Variants in NKAIN2 observed in about 807,000 individuals in gnomAD.
The protein encoded by NKAIN2 is sodium/potassium-transporting ATPase subunit beta-1-interacting protein 2.
Under a neutral mutation model 32.6 loss-of-function variants are expected in NKAIN2, and 14 were observed. The ratio of observed to expected loss-of-function variants is 0.43; its 90% confidence interval spans 0.28 to 0.67. NKAIN2 has a LOEUF of 0.67. Among genes scored for constraint, NKAIN2 ranks in the 30% least tolerant of loss-of-function variants. The pLI is 0.17. For synonymous variants in NKAIN2, 80 were observed against 87.2 expected (o/e 0.92, Z 0.46); for missense variants, 198 against 258.3 (o/e 0.77, Z 1.60).
chr6:123,855,274 A>G (rs777145802), intron 1 of NKAIN2, among the ~76,000 whole-genome samples: 24 of 152,202 alleles, frequency 1.6e-4, no homozygotes, highest in Non-Finnish European at 2.9e-4. Flanking sequence ...TTCTGTTGCA[A>G]TACATATGAC....
chr6:123,894,406 TGATAGA>T (rs1185140947), intron 1 of NKAIN2, among the ~76,000 whole-genome samples: 2 of 152,140 alleles, frequency 1.3e-5, no homozygotes, highest in Admixed American at 6.5e-5. Flanking sequence ...ACCATTATGT[TGATAGA>T]GAAACAGAGG....
chr6:124,784,854 T>C (rs1365065807), intron 4 of NKAIN2, among the ~76,000 whole-genome samples: 26 of 152,154 alleles, frequency 1.7e-4, no homozygotes, highest in Admixed American at 1.7e-3. Context: ...TCCCTGTTTC[T>C]GCTTTCAAGA....
At chr6:124,447,252 T>C (rs1265488058) in intron 3 of NKAIN2, among the ~76,000 whole-genome samples, 1 of 152,096 alleles carries the variant, frequency 6.6e-6, no homozygotes, top group African/African-American at 2.4e-5. Context: ...CTAGCATATA[T>C]ATCCTGCCCA....
chr6:124,041,733 C>A (rs1781882375), intron 1 of NKAIN2, among the ~76,000 whole-genome samples: 1 of 151,928 alleles, frequency 6.6e-6, no homozygotes. Context: ...GGGAAAAAAA[C>A]AGTTTATGAA....
At chr6:123,996,372 A>G (rs1779621386) in intron 1 of NKAIN2, among the ~76,000 whole-genome samples, 1 of 51,694 alleles carries the variant, frequency 1.9e-5, no homozygotes, top group Non-Finnish European at 3.6e-5. Flanking sequence ...AAATACTATA[A>G]ATAATATGTG....
intron 1 of NKAIN2, among the ~76,000 whole-genome samples, chr6:123,848,690 C>T (rs1056887641): frequency 3.3e-5 from 5 of 152,186 alleles, no homozygotes; most frequent in African/African-American, 1.2e-4. Context: ...TACACTGCCA[C>T]AGTCTGTTTA....
chr6:124,106,002 T>G (rs959642824), intron 1 of NKAIN2, among the ~76,000 whole-genome samples: 3 of 152,184 alleles, frequency 2.0e-5, no homozygotes, highest in African/African-American at 7.2e-5. Context: ...TTTCCCAGGA[T>G]CCTACAGTTT....
chr6:124,167,966 C>T (rs1470904363), intron 1 of NKAIN2, among the ~76,000 whole-genome samples: 1 of 152,170 alleles, frequency 6.6e-6, no homozygotes, highest in Non-Finnish European at 1.5e-5. Context: ...ATATTTCTAA[C>T]CATTTCCTTC....
chr6:123,897,267 C>T (rs1309830553), intron 1 of NKAIN2, among the ~76,000 whole-genome samples: 1 of 152,104 alleles, frequency 6.6e-6, no homozygotes, highest in Non-Finnish European at 1.5e-5. Context: ...CCCCTCATGA[C>T]CTGGTCTCTG....
intron 1 of NKAIN2, among the ~76,000 whole-genome samples, chr6:123,976,864 A>C (rs1362250472): frequency 1.3e-5 from 2 of 152,224 alleles, no homozygotes; most frequent in Non-Finnish European, 2.9e-5. Context: ...TGTCATTACC[A>C]GTATATTTCC....
At chr6:124,384,383 T>C (rs1383830121) in intron 3 of NKAIN2, among the ~76,000 whole-genome samples, 1 of 152,136 alleles carries the variant, frequency 6.6e-6, no homozygotes, top group Non-Finnish European at 1.5e-5. Flanking sequence ...AAAGACAGAT[T>C]GAACTATTGC....
Position 124,395,150 on chromosome 6 carries a change from T to C in NKAIN2, c.273+39803T>C, listed in dbSNP as rs1482825420. Among the ~76,000 whole-genome samples the C allele has an allele frequency of 4.6e-5, 7 of 152,238 alleles. No individual in the cohort carries two copies. In the East Asian group the frequency reaches 1.4e-3, roughly 29 times the overall value. On this transcript the variant is annotated intron_variant, in intron 3 of 6. Coordinates refer to ENST00000368417, the MANE Select transcript of NKAIN2 (RefSeq NM_001040214.3). ...GGTACAAAGTAATTGAAATAAATCTTCTCATGAATATTTTAATACTTCAAA... is the reference window on the plus strand; with the variant it reads ...GGTACAAAGTAATTGAAATAAATCTCCTCATGAATATTTTAATACTTCAAA...
intron 3 of NKAIN2, among the ~76,000 whole-genome samples, chr6:124,406,697 C>G (rs1773873541): frequency 6.6e-6 from 1 of 152,060 alleles, no homozygotes; most frequent in Admixed American, 6.6e-5. Flanking sequence ...TACGTTCTTA[C>G]AAGTAGCATA....
At position 124,482,023 on chromosome 6, in the gene NKAIN2, A is replaced by C. The variant is rs577011694; in HGVS notation, c.273+126676A>C. Among the ~76,000 whole-genome samples, 3 of 152,292 alleles carry C rather than the reference A, an allele frequency of 2.0e-5. No homozygotes were observed. In the East Asian group the frequency reaches 5.8e-4, roughly 29 times the overall value. On this transcript the variant is annotated intron_variant, in intron 3 of 6. Transcript: ENST00000368417. ...CTTAGAAAGATGATAATAAAACTCC[A>C]AATCACTGAAAAACCAAAGCAATTT...
At chr6:124,143,474 G>GA (rs1172613823) in intron 1 of NKAIN2, among the ~76,000 whole-genome samples, 1 of 149,108 alleles carries the variant, frequency 6.7e-6, no homozygotes, top group Non-Finnish European at 1.5e-5. Flanking sequence ...TAAAAAAGAA[G>GA]AAAAAAGTAT....
chr6:124,612,410 T>C (rs1782726974), intron 3 of NKAIN2, among the ~76,000 whole-genome samples: 2 of 152,214 alleles, frequency 1.3e-5, no homozygotes, highest in African/African-American at 2.4e-5. Flanking sequence ...CTTGCATTAA[T>C]TTTTTATATG....
At chr6:124,118,406 T>C in intron 1 of NKAIN2, among the ~76,000 whole-genome samples, 1 of 152,168 alleles carries the variant, frequency 6.6e-6, no homozygotes, top group East Asian at 1.9e-4. Context: ...TGTCTTTAAA[T>C]AATTTTTTCA....
At chr6:124,125,920 C>T (rs1180550317) in intron 1 of NKAIN2, among the ~76,000 whole-genome samples, 1 of 152,160 alleles carries the variant, frequency 6.6e-6, no homozygotes, top group African/African-American at 2.4e-5. Context: ...TGTTCCCTTC[C>T]AGGTCACACT....
intron 1 of NKAIN2, among the ~76,000 whole-genome samples, chr6:123,844,820 A>G (rs1429866270): frequency 6.6e-6 from 1 of 152,188 alleles, no homozygotes; most frequent in Non-Finnish European, 1.5e-5. Flanking sequence ...CCATATTTAT[A>G]TGGTCAGTAT....
Sources: gnomAD v4.1 joint callset for allele counts (sites outside exome capture counted in the v4.1 genomes callset) on GRCh38, gnomAD v4.1.1 for gene constraint, MANE v1.5 for transcripts, NCBI Gene and HGNC (gene_info 2026-07-23, HGNC 2026-07-21) for gene names.